Variants in PCDHGA11 observed in about 807,000 individuals in gnomAD.
The protein encoded by PCDHGA11 is protocadherin gamma-A11.
PCDHGA11 carries 39 observed loss-of-function variants against 60.4 expected under a neutral mutation model. The ratio of observed to expected loss-of-function variants is 0.65; its 90% CI spans 0.50 to 0.84. The LOEUF is 0.84. Among genes scored for constraint, PCDHGA11 ranks in the 40% least tolerant of loss-of-function variants. PCDHGA11 has a pLI of 0.00. For missense variants in PCDHGA11, 1,165 were observed against 1,197.7 expected (o/e 0.97, Z 0.40); for synonymous variants, 533 against 510.3 (o/e 1.04, Z -0.60).
At chr5:141,427,365 TG>T (rs1391779401) in intron 1 of PCDHGA11, 2 of 457,804 alleles carry the variant, frequency 4.4e-6, no homozygotes, top group Non-Finnish European at 8.8e-6. Flanking sequence ...CGCAGAACCC[TG>T]GACGGTGATC....
chr5:141,427,723 G>A, intron 1 of PCDHGA11: 1 of 1,127,490 alleles, frequency 8.9e-7, no homozygotes, highest in Non-Finnish European at 1.3e-6. Context: ...CTGGACCTAG[G>A]GCTGAATGGC....
intron 1 of PCDHGA11, among the ~76,000 whole-genome samples, chr5:141,430,388 A>G (rs2097280501): frequency 6.6e-6 from 1 of 152,106 alleles, no homozygotes; most frequent in Non-Finnish European, 1.5e-5. Flanking sequence ...ATTGGGAAAA[A>G]AAAAAAAAGC....
Position 141,489,195 on chromosome 5 carries a change from A to G in PCDHGA11, c.2434-5612A>G, listed in dbSNP as rs200660227. ...ATTCCAAGCCCTGGGTCTACCTTGG[A>G]GACAGGACAGCACAGACTTACTCTC... is the stretch of plus-strand genomic sequence containing the variant. On this transcript the variant is annotated intron_variant, in intron 1 of 3. Transcript: ENST00000398587. This position sits in a 1 kb window ranked among gnomAD's most constrained non-coding sequence, Gnocchi z 4.5. 1.8e-5 allele frequency: 25 copies of G among 1,383,116 alleles called. No individual in the cohort carries two copies. The East Asian group carries it at 4.8e-4, about 27-fold the overall frequency. 85.7% of individuals were successfully genotyped at this position (1,383,116 alleles called of 1,614,324 possible). A position where few individuals can be genotyped will look rare whatever the true frequency, so the allele number is the denominator to read the frequency against.
chr5:141,492,303 G>A (rs969991314), intron 1 of PCDHGA11, among the ~76,000 whole-genome samples: 1 of 152,202 alleles, frequency 6.6e-6, no homozygotes, highest in African/African-American at 2.4e-5. Context: ...GCGGACGCAC[G>A]CACGCACTCC....
Position 141,477,032 on chromosome 5 carries a change from A to G in PCDHGA11, c.2434-17775A>G, listed in dbSNP as rs1026169829. 2 of 1,614,134 alleles carry G rather than the reference A, an allele frequency of 1.2e-6. No homozygotes were observed. Among genetic ancestry groups the G allele is most frequent in the Non-Finnish European group, 1.7e-6 (2 of 1,180,044 alleles). ...AGACCTTGTAACCGGGATGCTGACA[A>G]TCAAGGGTCGGCTGGACTTCGAGGA... On this transcript the variant is annotated intron_variant, in intron 1 of 3. Transcript: ENST00000398587. This position sits in a 1 kb window ranked among gnomAD's most constrained non-coding sequence, Gnocchi z 4.9.
rs2098995125 is a variant in PCDHGA11 at position 141,460,673 on chromosome 5, A to G, written c.2434-34134A>G. 2.6e-5 allele frequency among the ~76,000 whole-genome samples: 4 copies of G among 152,244 alleles called. No homozygotes were observed. The South Asian group carries it at 8.3e-4, about 32-fold the overall frequency. On this transcript the variant is annotated intron_variant, in intron 1 of 3. Coordinates refer to ENST00000398587, the MANE Select transcript of PCDHGA11 (RefSeq NM_018914.3). ...CATATGTAACTGTAAACACAGTTAT[A>G]TATCTATATATCCACCAACAGTTGA... is the stretch of plus-strand genomic sequence containing the variant.
At chr5:141,443,952 A>T (rs1355073040) in intron 1 of PCDHGA11, among the ~76,000 whole-genome samples, 4 of 152,134 alleles carry the variant, frequency 2.6e-5, no homozygotes, top group Non-Finnish European at 4.4e-5. Context: ...CCTTATTGGT[A>T]TGTATTCTGT....
chr5:141,500,901 G>T (rs984072329), intron 2 of PCDHGA11, among the ~76,000 whole-genome samples: 1 of 144,582 alleles, frequency 6.9e-6, no homozygotes, highest in Non-Finnish European at 1.5e-5. Context: ...AGACAGTCTC[G>T]CTCTGTCTCC....
intron 1 of PCDHGA11, among the ~76,000 whole-genome samples, chr5:141,451,727 C>A (rs2098722766): frequency 6.6e-6 from 1 of 152,014 alleles, no homozygotes; most frequent in Admixed American, 6.6e-5. Flanking sequence ...ACTAAAAATA[C>A]AAAAATTAGC....
rs2099411033 is a variant in PCDHGA11, at chr5:141,477,423, C to T, written c.2434-17384C>T. ...ACCGCCCGAGACGCCGGAACCCCTT[C>T]CCTCTCAGCCCTTACAATAGTGCGT... On this transcript the variant is annotated intron_variant, in intron 1 of 3. Coordinates refer to ENST00000398587, the MANE Select transcript of PCDHGA11 (RefSeq NM_018914.3). This position sits in a 1 kb window ranked among gnomAD's most constrained non-coding sequence, Gnocchi z 4.9. 1.9e-6 allele frequency: 3 copies of T among 1,614,196 alleles called. No individual in the cohort carries two copies. The highest frequency in any genetic ancestry group is 2.2e-5 in the East Asian group (1 of 44,882).
intron 1 of PCDHGA11, among the ~76,000 whole-genome samples, chr5:141,460,959 A>ATG (rs1248175237): frequency 7.9e-6 from 1 of 126,082 alleles, no homozygotes; most frequent in Non-Finnish European, 1.6e-5. Flanking sequence ...ATGTATATAT[A>ATG]TATGTGTGTG....
At chr5:141,426,876 C>T (rs796453479) in intron 1 of PCDHGA11, 2 of 456,726 alleles carry the variant, frequency 4.4e-6, no homozygotes, top group African/African-American at 2.0e-5. Context: ...GGAGAAGCCC[C>T]TGGGCCAGGA....
intron 1 of PCDHGA11, chr5:141,426,993 G>A (rs1331210977): frequency 1.1e-5 from 5 of 456,742 alleles, no homozygotes; most frequent in Middle Eastern, 3.3e-4. Context: ...CAACGATAAT[G>A]CCCCAGTTTT....
intron 1 of PCDHGA11, chr5:141,478,018 C>G: frequency 6.2e-7 from 1 of 1,614,124 alleles, no homozygotes; most frequent in Non-Finnish European, 8.5e-7. Flanking sequence ...CCCGTCCAGT[C>G]CAAGACACAG....
rs534845593 is a variant in PCDHGA11, at chr5:141,478,216, G to A, written c.2434-16591G>A. On this transcript the variant is annotated intron_variant, in intron 1 of 3. Coordinates refer to ENST00000398587, the MANE Select transcript of PCDHGA11 (RefSeq NM_018914.3). ...TTTATCTACTTCTTTCTCTAATCCTGGTTTCTGTGGGGTTTGTGGTCACAG... is the reference window on the plus strand; with the variant it reads ...TTTATCTACTTCTTTCTCTAATCCTAGTTTCTGTGGGGTTTGTGGTCACAG... 414 of 1,614,090 alleles carry A rather than the reference G, an allele frequency of 2.6e-4. 9 individuals carry two copies. In the South Asian group the frequency reaches 4.4e-3, roughly 17 times the overall value.
chr5:141,482,016 C>T (rs2099550411), intron 1 of PCDHGA11, among the ~76,000 whole-genome samples: 1 of 148,596 alleles, frequency 6.7e-6, no homozygotes, highest in African/African-American at 2.5e-5. Context: ...TCTCAGGAAG[C>T]AGAGGTTGCA....
chr5:141,477,519 A>C lies in PCDHGA11; in HGVS notation c.2434-17288A>C, dbSNP rs1255751458. 1 of 1,614,174 alleles carries C rather than the reference A, an allele frequency of 6.2e-7. No individual in the cohort carries two copies. The highest frequency in any genetic ancestry group is 2.2e-5 in the East Asian group (1 of 44,882). Reference sequence around the variant, plus strand: ...TCTTCCTACGACGTTTACATTGAAGAAAACAACCTCCCCGGGGCTCCAATA... The same window carrying C: ...TCTTCCTACGACGTTTACATTGAAGCAAACAACCTCCCCGGGGCTCCAATA... On this transcript the variant is annotated intron_variant, in intron 1 of 3. Transcript: ENST00000398587. The surrounding 1 kb of genome is among the most constrained non-coding windows in gnomAD (Gnocchi z 4.9).
chr5:141,456,383 T>G (rs1372337704), intron 1 of PCDHGA11, among the ~76,000 whole-genome samples: 4 of 152,130 alleles, frequency 2.6e-5, no homozygotes, highest in Admixed American at 2.6e-4. Flanking sequence ...ACAGCACCGT[T>G]TGGAGTTTGA....
intron 1 of PCDHGA11, among the ~76,000 whole-genome samples, chr5:141,426,005 G>A (rs189148799): frequency 4.1e-4 from 63 of 152,202 alleles, no homozygotes; most frequent in Admixed American, 2.1e-3. Flanking sequence ...AAAGGCTTCC[G>A]GCTGCAGTTT....
Sources: gnomAD v4.1 joint callset for allele counts (sites outside exome capture counted in the v4.1 genomes callset) on GRCh38, gnomAD v4.1.1 for gene constraint, Gnocchi (gnomAD v3.1) non-coding constraint, MANE v1.5 for transcripts, NCBI Gene and HGNC (gene_info 2026-07-23, HGNC 2026-07-21) for gene names.